Variants in VPS8 observed in about 807,000 individuals in gnomAD.
The protein encoded by VPS8 is vacuolar protein sorting-associated protein 8 homolog.
Under a neutral mutation model 216.4 loss-of-function variants are expected in VPS8, and 129 were observed. That is an observed-to-expected ratio of 0.60 (90% CI 0.52 to 0.69). The LOEUF is 0.69. VPS8 is among the 30% of genes least tolerant of loss of function. VPS8 has a pLI of 0.00. For synonymous variants in VPS8, 571 were observed against 565.4 expected, an observed-to-expected ratio of 1.01 and a Z score of -0.14; for missense variants, 1,531 against 1,683.5, an observed-to-expected ratio of 0.91 and a Z score of 1.59.
intron 1 of VPS8, 100 bp from the exon 2 acceptor site, chr3:184,824,444 TG>T (rs1160703946): frequency 3.3e-6 from 2 of 610,648 alleles, no homozygotes; most frequent in Non-Finnish European, 5.6e-6. Flanking sequence ...GATGTTTAGG[TG>T]AAATCTGACC....
In VPS8 at chr3:184,889,714, C is replaced by T. The variant is rs766317667; in HGVS notation, c.1781+3558C>T. 2.6e-5 allele frequency among the ~76,000 whole-genome samples: 4 copies of T among 152,170 alleles called. No homozygotes were observed. The East Asian group carries it at 5.8e-4, about 22-fold the overall frequency. ...GCATTCCTAGAGATGTAAGAAAGGT[C>T]GGGGCTGTGAAACTAGGCATTGGGT... On this transcript the variant is annotated intron_variant, in intron 22 of 47. Transcript: ENST00000625842.
chr3:184,857,459 T>G (rs1446302585), intron 14 of VPS8, among the ~76,000 whole-genome samples: 1 of 152,246 alleles, frequency 6.6e-6, no homozygotes, highest in Non-Finnish European at 1.5e-5. Context: ...ATTCATGTCC[T>G]TCAGTCTCTA....
At chr3:184,969,011 C>T (rs1289344762) in intron 39 of VPS8, among the ~76,000 whole-genome samples, 1 of 152,182 alleles carries the variant, frequency 6.6e-6, no homozygotes, top group Non-Finnish European at 1.5e-5. Flanking sequence ...GATAGTTCAA[C>T]TGGACACTTA....
chr3:184,962,794 T>C (rs1746754014), intron 37 of VPS8, among the ~76,000 whole-genome samples: 2 of 151,530 alleles, frequency 1.3e-5, no homozygotes, highest in Non-Finnish European at 2.9e-5. Flanking sequence ...TTTAATGGAA[T>C]AAAGGACATT....
rs114081517 is a variant in VPS8 at position 184,983,619 on chromosome 3, A to C, written c.3585+525A>C. Among the ~76,000 whole-genome samples, 653 of 152,288 alleles carry C rather than the reference A, an allele frequency of 4.3e-3. 1 individual carries two copies. The highest frequency in any genetic ancestry group is 6.5e-3 in the Non-Finnish European group (439 of 68,030). ...TTGCTTCTTTCAACAAAAAAGCCTG[A>C]ACCTTCTCGGCTTCATCAAAAGAGA... On this transcript the variant is annotated intron_variant, in intron 42 of 47. Transcript: ENST00000625842.
chr3:184,930,312 T>C (rs1184129309), intron 33 of VPS8, among the ~76,000 whole-genome samples, 158 bp from the exon 34 acceptor site: 2 of 152,186 alleles, frequency 1.3e-5, no homozygotes, highest in South Asian at 2.1e-4. Context: ...TTTTAAACAA[T>C]TACTCTTTAT....
intron 45 of VPS8, among the ~76,000 whole-genome samples, chr3:185,019,276 T>A (rs966024178): frequency 1.3e-5 from 2 of 152,012 alleles, no homozygotes; most frequent in Non-Finnish European, 2.9e-5. Flanking sequence ...TGAGCCCCCA[T>A]GTTTGAGCAC....
Position 185,006,439 on chromosome 3 carries a change from C to T in VPS8, c.4002+6578C>T, listed in dbSNP as rs569486651. 7.7e-4 allele frequency among the ~76,000 whole-genome samples: 117 copies of T among 152,214 alleles called. 2 individuals are homozygous for T. The South Asian group carries it at 0.023, about 30-fold the overall frequency. ...TCACCCTGAATTATCCTACCACCAA[C>T]CTGTTCTATTTTTATTCTGGCTTTA... On this transcript the variant is annotated intron_variant, in intron 45 of 47. Coordinates refer to ENST00000625842, the MANE Select transcript of VPS8 (RefSeq NM_001009921.3).
intron 11 of VPS8, among the ~76,000 whole-genome samples, chr3:184,853,171 A>T (rs1278338967): frequency 1.3e-5 from 2 of 152,160 alleles, no homozygotes; most frequent in Non-Finnish European, 2.9e-5. Flanking sequence ...AGCATCTCCT[A>T]TGTGTAGGTA....
At position 184,934,210 on chromosome 3, in the gene VPS8, G is replaced by A. The variant is rs115247583; in HGVS notation, c.2899-2036G>A. 8.6e-3 allele frequency among the ~76,000 whole-genome samples: 1,312 copies of A among 151,818 alleles called. 26 individuals are homozygous for A. The highest frequency in any genetic ancestry group is 0.03 in the African/African-American group (1,248 of 41,400). ...GAGACAGAGTCTCACTCACTGTGTC[G>A]CCCAGGCTGGAGTATAGTGGCACCA... On this transcript the variant is annotated intron_variant, in intron 34 of 47. Transcript: ENST00000625842.
intron 40 of VPS8, among the ~76,000 whole-genome samples, chr3:184,981,403 C>T (rs560901759): frequency 6.8e-6 from 1 of 146,466 alleles, no homozygotes; most frequent in South Asian, 2.2e-4. Context: ...GCAGCGTCTT[C>T]ATGGGAGCAG....
intron 3 of VPS8, among the ~76,000 whole-genome samples, chr3:184,832,251 A>G (rs1334056449): frequency 6.6e-6 from 1 of 152,174 alleles, no homozygotes; most frequent in East Asian, 1.9e-4. Flanking sequence ...CCTACCCAGA[A>G]TGCCTTTCTG....
chr3:184,984,536 G>A (rs1173744736), intron 42 of VPS8, among the ~76,000 whole-genome samples: 2 of 151,702 alleles, frequency 1.3e-5, no homozygotes, highest in South Asian at 2.1e-4. Flanking sequence ...CAGGTGATCC[G>A]CCCGCCTCAG....
chr3:184,926,661 C>T lies in VPS8; in HGVS notation c.2631+11C>T, dbSNP rs1447700292. On this transcript the variant is annotated intron_variant, in intron 31 of 47. Coordinates refer to ENST00000625842, the MANE Select transcript of VPS8 (RefSeq NM_001009921.3). Reference sequence around the variant, plus strand: ...TCTGAAAGACAGCAGGTATGAACTACTAGAACTCTTTTTGCTAAAAAATAG... The same window carrying T: ...TCTGAAAGACAGCAGGTATGAACTATTAGAACTCTTTTTGCTAAAAAATAG... 7.5e-6 allele frequency: 12 copies of T among 1,594,222 alleles called. No individual in the cohort carries two copies. The highest frequency in any genetic ancestry group is 4.0e-5 in the African/African-American group (3 of 74,508).
intron 29 of VPS8, among the ~76,000 whole-genome samples, chr3:184,922,926 G>C (rs560496289): frequency 2.4e-4 from 36 of 150,668 alleles, no homozygotes; most frequent in Non-Finnish European, 4.6e-4. Flanking sequence ...TTAGACACTT[G>C]CTGAGTTGAT....
Position 184,964,472 on chromosome 3 carries a change from C to T in VPS8, c.3188C>T (p.Thr1063Ile). The T allele has an allele frequency of 6.7e-7, 1 of 1,493,154 alleles. No individual in the cohort carries two copies. The highest frequency in any genetic ancestry group is 9.0e-7 in the Non-Finnish European group (1 of 1,112,922). 92.5% of individuals were successfully genotyped at this position (1,493,154 alleles called of 1,614,324 possible). ...CYRLEETIQITQKYQLHEVTA... is the reference protein window; with the variant it reads ...CYRLEETIQIIQKYQLHEVTA... ...TTTATCTTTTTTATTTCCTAGATTA[C>T]TCAGAAGTATCAACTTCATGAAGTC... Residue 1063 changes from threonine to isoleucine, a missense_variant, in exon 38 of 48, where the codon ACT becomes ATT. Thr to Ile is a moderately conservative substitution (Grantham distance 89). Around this residue, in one of 3 missense-constraint regions of VPS8, gnomAD observed 1,318 missense variants for 1,468.4 expected, o/e 0.90. Coordinates refer to ENST00000625842, the MANE Select transcript of VPS8 (RefSeq NM_001009921.3).
intron 21 of VPS8, among the ~76,000 whole-genome samples, chr3:184,878,431 A>G (rs996247898): frequency 1.3e-5 from 2 of 152,186 alleles, no homozygotes; most frequent in Admixed American, 1.3e-4. Context: ...ATGAAGCCTT[A>G]TGTTAATCGT....
intron 39 of VPS8, among the ~76,000 whole-genome samples, chr3:184,968,554 T>A (rs1747802409): frequency 6.6e-6 from 1 of 152,240 alleles, no homozygotes; most frequent in Non-Finnish European, 1.5e-5. Flanking sequence ...ATTCTCTTTT[T>A]TTTAATAGTA....
intron 15 of VPS8, among the ~76,000 whole-genome samples, chr3:184,862,487 A>C (rs1726554880): frequency 6.6e-6 from 1 of 152,194 alleles, no homozygotes; most frequent in Non-Finnish European, 1.5e-5. Flanking sequence ...TTTCAGTGCT[A>C]ACAATTGTCC....
Sources: allele counts gnomAD v4.1 joint callset (sites outside exome capture counted in the v4.1 genomes callset), GRCh38; gene constraint gnomAD v4.1.1; regional missense constraint gnomAD v4.1.1; transcripts MANE v1.5; gene names NCBI Gene and HGNC (gene_info 2026-07-23, HGNC 2026-07-21).